DENND2B: variants seen among roughly 807,000 people sequenced by gnomAD.
DENND2B encodes DENN domain-containing protein 2B.
A neutral mutation model predicts 116.0 loss-of-function variants in DENND2B; 32 were observed. The observed-to-expected ratio is 0.28, with a 90% confidence interval of 0.21 to 0.37. The LOEUF is 0.37. DENND2B is among the 10% of genes least tolerant of loss of function. DENND2B has a pLI of 1.00. For missense variants in DENND2B, 1,276 were observed against 1,477.7 expected, an observed-to-expected ratio of 0.86 and a Z score of 2.24; for synonymous variants, 588 against 583.9, an observed-to-expected ratio of 1.01 and a Z score of -0.10.
chr11:8,696,529 C>T lies in DENND2B; in HGVS notation c.3190G>A (p.Val1064Met). The T allele has an allele frequency of 6.2e-7, 1 of 1,614,214 alleles. No individual in the cohort carries two copies. Among genetic ancestry groups the T allele is most frequent in the Non-Finnish European group, 8.5e-7 (1 of 1,180,042 alleles). ...AAGCGGCGGATGCTTTTGGAGGCCACAGATTTGCGGAAGGCCTCTCGCTGA... is the reference window on the plus strand; with the variant it reads ...AAGCGGCGGATGCTTTTGGAGGCCATAGATTTGCGGAAGGCCTCTCGCTGA... ...AFQREAFRKSVASKSIRRFLE... is the reference protein window; with the variant it reads ...AFQREAFRKSMASKSIRRFLE... The change falls in exon 18 of 20, where the codon GTG (valine) becomes ATG (methionine). Residue 1064 changes from valine (V) to methionine (M), a missense_variant. Around this residue, in one of 2 missense-constraint regions of DENND2B, gnomAD observed 420 missense variants for 631.1 expected, o/e 0.67. Coordinates refer to ENST00000313726, the MANE Select transcript of DENND2B (RefSeq NM_213618.2).
intron 4 of DENND2B, among the ~76,000 whole-genome samples, chr11:8,816,647 G>A (rs1467309548): frequency 6.6e-6 from 1 of 152,130 alleles, no homozygotes; most frequent in Non-Finnish European, 1.5e-5. Context: ...GAGCCCTTAA[G>A]GGCTTTACAG....
intron 2 of DENND2B, among the ~76,000 whole-genome samples, chr11:8,878,269 C>CT (rs2063865446): frequency 6.6e-6 from 1 of 152,160 alleles, no homozygotes; most frequent in South Asian, 2.1e-4. Context: ...AATTCCACTC[C>CT]TGGGTATATA....
chr11:8,805,450 T>C (rs1565988624), intron 1 of DENND2B, among the ~76,000 whole-genome samples: 1 of 152,352 alleles, frequency 6.6e-6, no homozygotes, highest in East Asian at 1.9e-4. Context: ...GCTGACTTGA[T>C]AGTTTTTTTC....
intron 1 of DENND2B, among the ~76,000 whole-genome samples, chr11:8,902,975 T>G (rs922868848): frequency 6.6e-6 from 1 of 152,136 alleles, no homozygotes; most frequent in Non-Finnish European, 1.5e-5. Flanking sequence ...TTCTCCTGCC[T>G]CAGCCTCCTG....
intron 13 of DENND2B, among the ~76,000 whole-genome samples, chr11:8,704,166 A>G (rs1022769663): frequency 1.3e-5 from 2 of 152,176 alleles, no homozygotes; most frequent in African/African-American, 2.4e-5. Context: ...GAAGGAGCTG[A>G]GTAGTTACAG....
chr11:8,772,241 A>AT (rs1240377397), intron 1 of DENND2B, among the ~76,000 whole-genome samples: 2 of 152,088 alleles, frequency 1.3e-5, no homozygotes, highest in Non-Finnish European at 2.9e-5. Flanking sequence ...TATAATACTA[A>AT]TAGTAGGGTT....
At chr11:8,767,050 G>C (rs141231784) in intron 1 of DENND2B, among the ~76,000 whole-genome samples, 1 of 152,192 alleles carries the variant, frequency 6.6e-6, no homozygotes, top group Non-Finnish European at 1.5e-5. Flanking sequence ...CCAAGTCCAG[G>C]ACCTTCTCTT....
intron 2 of DENND2B, among the ~76,000 whole-genome samples, chr11:8,747,784 G>C (rs1004694742): frequency 6.6e-6 from 1 of 152,210 alleles, no homozygotes; most frequent in Non-Finnish European, 1.5e-5. Flanking sequence ...TCACATGAAA[G>C]GCTTAGATTT....
intron 1 of DENND2B, chr11:8,785,645 A>G (rs2058834680): frequency 6.6e-6 from 1 of 152,230 alleles, no homozygotes; most frequent in African/African-American, 2.4e-5. Flanking sequence ...AGTCGCACAG[A>G]TAAGGCAAAG....
intron 1 of DENND2B, among the ~76,000 whole-genome samples, chr11:8,890,146 C>G (rs2064012471): frequency 1.3e-5 from 2 of 152,182 alleles, no homozygotes; most frequent in African/African-American, 4.8e-5. Context: ...TGGAGTGGAC[C>G]TCCAGCAAAC....
At chr11:8,781,308 G>A (rs1467398913) in intron 1 of DENND2B, among the ~76,000 whole-genome samples, 1 of 152,176 alleles carries the variant, frequency 6.6e-6, no homozygotes, top group Non-Finnish European at 1.5e-5. Context: ...AAGGTTGCCA[G>A]CCCGGGCTTG....
At chr11:8,819,861 G>A (rs1358599086) in intron 4 of DENND2B, among the ~76,000 whole-genome samples, 1 of 152,230 alleles carries the variant, frequency 6.6e-6, no homozygotes, top group Non-Finnish European at 1.5e-5. Flanking sequence ...AGAAAAACTG[G>A]TGAAATCCCA....
chr11:8,873,876 A>G (rs1308044515), upstream of DENND2B, among the ~76,000 whole-genome samples: 2 of 152,232 alleles, frequency 1.3e-5, no homozygotes, highest in Admixed American at 6.5e-5. Context: ...GAAGGATACT[A>G]GCAACAAAAA....
chr11:8,882,859 A>G (rs1002757534), intron 1 of DENND2B, among the ~76,000 whole-genome samples: 2 of 152,226 alleles, frequency 1.3e-5, no homozygotes, highest in South Asian at 2.1e-4. Flanking sequence ...ATAGTGGTGC[A>G]TGCCTGTGAT....
chr11:8,751,560 C>T (rs1593157032), intron 1 of DENND2B, among the ~76,000 whole-genome samples: 2 of 151,958 alleles, frequency 1.3e-5, no homozygotes, highest in South Asian at 2.1e-4. Context: ...GCCAGCGAGA[C>T]CACGAACCTA....
intron 1 of DENND2B, chr11:8,757,206 A>G: frequency 4.9e-6 from 2 of 412,204 alleles, no homozygotes; most frequent in South Asian, 3.6e-5. Context: ...TTGTCACTAT[A>G]ACAGCCATAA....
intron 14 of DENND2B, chr11:8,699,892 G>A (rs1439133997): frequency 4.4e-6 from 2 of 456,312 alleles, no homozygotes; most frequent in Non-Finnish European, 8.8e-6. Flanking sequence ...ACCCCAGGCA[G>A]AACAGGAAGG....
chr11:8,878,913 G>C (rs1468770795), intron 2 of DENND2B, among the ~76,000 whole-genome samples: 1 of 152,154 alleles, frequency 6.6e-6, no homozygotes, highest in Non-Finnish European at 1.5e-5. Context: ...ACTGCTTAGT[G>C]GGTATGGGAG....
intron 3 of DENND2B, among the ~76,000 whole-genome samples, chr11:8,851,842 CTAAT>C (rs1205884678): frequency 6.6e-6 from 1 of 152,040 alleles, no homozygotes; most frequent in Admixed American, 6.6e-5. Context: ...TATATAAACA[CTAAT>C]TATCTCTGTG....
Sources: gnomAD v4.1 joint callset for allele counts (sites outside exome capture counted in the v4.1 genomes callset) on GRCh38, gnomAD v4.1.1 for gene constraint, gnomAD v4.1.1 regional missense constraint, MANE v1.5 for transcripts, NCBI Gene and HGNC (gene_info 2026-07-23, HGNC 2026-07-21) for gene names.